The following THSD7A variants were observed in gnomAD, a reference collection of about 807,000 sequenced individuals.
The protein encoded by THSD7A is thrombospondin type-1 domain-containing protein 7A.
THSD7A carries 96 observed loss-of-function variants against 231.3 expected under a neutral mutation model. That is an observed-to-expected ratio of 0.41 (90% CI 0.35 to 0.49). THSD7A has a LOEUF of 0.49. THSD7A is among the 20% of genes least tolerant of loss of function. THSD7A has a pLI of 0.05. For synonymous variants in THSD7A, 940 were observed against 743.3 expected, an observed-to-expected ratio of 1.26 and a Z score of -4.30; for missense variants, 2,290 against 2,070.2, an observed-to-expected ratio of 1.11 and a Z score of -2.06.
chr7:11,503,755 C>T (rs1038359750), intron 6 of THSD7A, among the ~76,000 whole-genome samples: 17 of 151,986 alleles, frequency 1.1e-4, no homozygotes, highest in African/African-American at 4.1e-4. Flanking sequence ...AAAGCCACAG[C>T]GAGGTACCAT....
Position 11,593,421 on chromosome 7 carries a change from C to T in THSD7A, c.1104G>A (p.Glu368=). 6.2e-7 allele frequency: 1 copy of T among 1,614,030 alleles called. No individual in the cohort carries two copies. The change falls in exon 3 of 28, where the codon GAG becomes GAA. Residue 368 remains glutamate, a synonymous_variant. Coordinates refer to ENST00000423059, the MANE Select transcript of THSD7A (RefSeq NM_015204.3). ...TKECQVSEWS[E]WSPCSKTCHD... ...GGCATGTTTTTGAGCAGGGGCTCCACTCTGACCACTCGGAAACCTGGCACT... is the reference window on the plus strand; with the variant it reads ...GGCATGTTTTTGAGCAGGGGCTCCATTCTGACCACTCGGAAACCTGGCACT...
chr7:11,699,662 A>AT (rs1229517024), intron 1 of THSD7A, among the ~76,000 whole-genome samples: 1 of 151,368 alleles, frequency 6.6e-6, no homozygotes, highest in African/African-American at 2.4e-5. Context: ...AATGTTGCAT[A>AT]TACATTTTTT....
intron 2 of THSD7A, among the ~76,000 whole-genome samples, chr7:11,597,688 C>T (rs1390538637): frequency 3.3e-5 from 5 of 152,142 alleles, no homozygotes; most frequent in South Asian, 2.1e-4. Flanking sequence ...TTTGATTATA[C>T]GTCATCAAGT....
At chr7:11,584,699 A>G (rs1406178271) in intron 4 of THSD7A, among the ~76,000 whole-genome samples, 1 of 152,222 alleles carries the variant, frequency 6.6e-6, no homozygotes, top group African/African-American at 2.4e-5. Context: ...CTTTTAAAGT[A>G]TATACTATAT....
chr7:11,679,515 A>T (rs529856706), intron 1 of THSD7A, among the ~76,000 whole-genome samples: 65 of 152,302 alleles, frequency 4.3e-4, no homozygotes, highest in Non-Finnish European at 8.8e-4. Flanking sequence ...AGGATACAAA[A>T]TCAATATGCA....
rs192273459 is a variant in THSD7A, at chr7:11,772,623, C to T, written c.190+59134G>A. Reference sequence around the variant, plus strand: ...CAATTAATGCAGAAATGGAAAACCACATTCTGTGCATTCTTACTTAAAAAT... The same window carrying T: ...CAATTAATGCAGAAATGGAAAACCATATTCTGTGCATTCTTACTTAAAAAT... On this transcript the variant is annotated intron_variant, in intron 1 of 27. Transcript: ENST00000423059. Among the ~76,000 whole-genome samples the T allele has an allele frequency of 6.6e-5, 10 of 152,268 alleles. No homozygotes were observed. In the East Asian group the frequency reaches 1.9e-3, roughly 29 times the overall value.
Position 11,459,665 on chromosome 7 carries a change from ATTTTTTTTTTTTTTTT to A in THSD7A, c.2605+981_2605+996del, listed in dbSNP as rs34415355. Among the ~76,000 whole-genome samples, 265 of 39,938 alleles carry A rather than the reference ATTTTTTTTTTTTTTTT, an allele frequency of 6.6e-3. 1 individual carries two copies. Among genetic ancestry groups the A allele is most frequent in the African/African-American group, 0.012 (196 of 16,526 alleles). 26.2% of individuals were successfully genotyped at this position (39,938 alleles called of 152,430 possible). A position where few individuals can be genotyped will look rare whatever the true frequency, so the allele number is the denominator to read the frequency against. The stretch of plus-strand genomic sequence containing the variant: ...AAAAGGAAGATTATAAAAACAGGGG[ATTTTTTTTTTTTTTTT>A]TTTTTTTTTTTTTTTTTTTTACAAA... On this transcript the variant is annotated intron_variant, in intron 11 of 27. Coordinates refer to ENST00000423059, the MANE Select transcript of THSD7A (RefSeq NM_015204.3).
At chr7:11,813,514 C>T (rs1234463065) in intron 1 of THSD7A, among the ~76,000 whole-genome samples, 1 of 151,962 alleles carries the variant, frequency 6.6e-6, no homozygotes, top group Non-Finnish European at 1.5e-5. Context: ...GAGATCCAGA[C>T]CATCCTGGCC....
At chr7:11,623,106 G>A (rs1280733038) in intron 2 of THSD7A, among the ~76,000 whole-genome samples, 1 of 152,150 alleles carries the variant, frequency 6.6e-6, no homozygotes, top group African/African-American at 2.4e-5. Context: ...ATCTAAATTA[G>A]AAGGTAGCTA....
At chr7:11,732,513 C>G (rs1367021690) in intron 1 of THSD7A, among the ~76,000 whole-genome samples, 1 of 151,798 alleles carries the variant, frequency 6.6e-6, no homozygotes, top group African/African-American at 2.4e-5. Flanking sequence ...TCAAAATATT[C>G]CAGCACGTTT....
intron 23 of THSD7A, 61 bp downstream of exon 23, chr7:11,401,734 C>G (rs1043649418): frequency 6.2e-5 from 91 of 1,468,864 alleles, no homozygotes; most frequent in Non-Finnish European, 8.0e-5. Flanking sequence ...TTTTAACAGA[C>G]TATTTTTTTT....
At chr7:11,395,352 G>A (rs1226907618) in intron 23 of THSD7A, among the ~76,000 whole-genome samples, 1 of 152,016 alleles carries the variant, frequency 6.6e-6, no homozygotes, top group Non-Finnish European at 1.5e-5. Context: ...AAGAGAGTTA[G>A]ACTCCCACAC....
rs139590909 is a variant in THSD7A at position 11,541,359 on chromosome 7, G to C, written c.1822+60C>G. 5.7e-3 allele frequency: 8,667 copies of C among 1,525,982 alleles called. 43 individuals carry two copies. The highest frequency in any genetic ancestry group is 7.1e-3 in the Non-Finnish European group (7,892 of 1,106,320). The allele number at this position is 1,525,982 out of a possible 1,614,324, so 94.5% of individuals were successfully genotyped here. On this transcript the variant is annotated intron_variant, in intron 6 of 27. Coordinates refer to ENST00000423059, the MANE Select transcript of THSD7A (RefSeq NM_015204.3). ...AGAAGACACAGGATTTTAACAGAAA[G>C]TAAAAACATATATGCAGGGTTGGAC...
intron 6 of THSD7A, among the ~76,000 whole-genome samples, chr7:11,528,982 A>G (rs185253439): frequency 1.6e-3 from 241 of 152,294 alleles, no homozygotes; most frequent in Non-Finnish European, 1.9e-3. Context: ...CTGATCATAC[A>G]TAAGTCAAGT....
intron 6 of THSD7A, among the ~76,000 whole-genome samples, chr7:11,524,068 G>A (rs1788376213): frequency 6.6e-6 from 1 of 151,948 alleles, no homozygotes; most frequent in African/African-American, 2.4e-5. Flanking sequence ...ATTTATTTTA[G>A]TATGCAGATG....
chr7:11,549,411 A>G (rs1789532857), intron 4 of THSD7A, among the ~76,000 whole-genome samples: 1 of 152,192 alleles, frequency 6.6e-6, no homozygotes, highest in South Asian at 2.1e-4. Flanking sequence ...CATTTGACCC[A>G]ACAATCCCTT....
At chr7:11,513,154 G>A (rs9638670) in intron 6 of THSD7A, among the ~76,000 whole-genome samples, 72,229 of 150,190 alleles carry the variant, frequency 0.48, 19,715 homozygotes, top group Non-Finnish European at 0.62. Flanking sequence ...TTGGGGACTT[G>A]GGGGGAAGAG....
Position 11,422,318 on chromosome 7 carries a change from T to C in THSD7A, c.3383+2378A>G, listed in dbSNP as rs75922483. ...AAGAGGAAGAGTGTAATTGAATAAA[T>C]TTAAACCTCCTCTTTTATAGACCCA... On this transcript the variant is annotated intron_variant, in intron 16 of 27. Coordinates refer to ENST00000423059, the MANE Select transcript of THSD7A (RefSeq NM_015204.3). Among the ~76,000 whole-genome samples, 198 of 152,254 alleles carry C rather than the reference T, an allele frequency of 1.3e-3. 3 individuals are homozygous for C. In the East Asian group the frequency reaches 0.033, roughly 26 times the overall value.
chr7:11,735,805 T>G (rs1023146851), intron 1 of THSD7A, among the ~76,000 whole-genome samples: 7 of 151,888 alleles, frequency 4.6e-5, no homozygotes, highest in Admixed American at 4.6e-4. Context: ...TGGGAAAACA[T>G]TATGAGGAAT....
Sources: gnomAD v4.1 joint callset for allele counts (sites outside exome capture counted in the v4.1 genomes callset) on GRCh38, gnomAD v4.1.1 for gene constraint, MANE v1.5 for transcripts, NCBI Gene and HGNC (gene_info 2026-07-23, HGNC 2026-07-21) for gene names.